ZBTB7A: variants seen among roughly 807,000 people sequenced by gnomAD.
ZBTB7A encodes zinc finger and BTB domain-containing protein 7A.
Under a neutral mutation model 26.7 loss-of-function variants are expected in ZBTB7A, and 7 were observed. That is an observed-to-expected ratio of 0.26 (90% CI 0.15 to 0.49). ZBTB7A has a LOEUF of 0.49. ZBTB7A is among the 20% of genes least tolerant of loss of function. The pLI is 0.98. For synonymous variants in ZBTB7A, 452 were observed against 441.0 expected, an observed-to-expected ratio of 1.02 and a Z score of -0.31; for missense variants, 617 against 919.5, an observed-to-expected ratio of 0.67 and a Z score of 4.25.
At chr19:4,059,983 G>A (rs979668080) in intron 1 of ZBTB7A, among the ~76,000 whole-genome samples, 6 of 151,792 alleles carry the variant, frequency 4.0e-5, no homozygotes, top group African/African-American at 7.3e-5. Context: ...AGGAAGCCCC[G>A]GCCCCACGCC....
chr19:4,055,429 T>G (rs914664069), intron 1 of ZBTB7A, 182 bp from the exon 2 acceptor site: 18 of 985,304 alleles, frequency 1.8e-5, no homozygotes, highest in Non-Finnish European at 1.2e-6. Context: ...TCCCCAGCTG[T>G]GCACCAAAGC....
chr19:4,063,782 C>G (rs887487940), intron 1 of ZBTB7A, among the ~76,000 whole-genome samples: 1 of 152,170 alleles, frequency 6.6e-6, no homozygotes, highest in African/African-American at 2.4e-5. Context: ...GCAGCTCTGA[C>G]CCCACCTGAG....
intron 1 of ZBTB7A, among the ~76,000 whole-genome samples, chr19:4,061,376 C>T (rs1039699343): frequency 6.6e-6 from 1 of 152,154 alleles, no homozygotes; most frequent in Non-Finnish European, 1.5e-5. Flanking sequence ...GCCCCCGCCC[C>T]CTCCCCGCCC....
At chr19:4,058,425 C>A (rs551649651) in intron 1 of ZBTB7A, among the ~76,000 whole-genome samples, 1 of 136,128 alleles carries the variant, frequency 7.3e-6, no homozygotes, top group South Asian at 2.4e-4. Flanking sequence ...GTCTGTCCCA[C>A]CCCTTTCTCC....
At chr19:4,058,161 C>A (rs1037849281) in intron 1 of ZBTB7A, among the ~76,000 whole-genome samples, 1 of 152,182 alleles carries the variant, frequency 6.6e-6, no homozygotes, top group Non-Finnish European at 1.5e-5. Context: ...CCCCTCAGAG[C>A]CCCCAGCATA....
chr19:4,049,162 GTGTGTGTATATATATATATATATATA>G (rs2040465676), intron 2 of ZBTB7A, among the ~76,000 whole-genome samples: 3 of 18,438 alleles, frequency 1.6e-4, no homozygotes, highest in Admixed American at 1.1e-3. Flanking sequence ...GTGTGTGTGT[GTGTGTGTATATATATATATATATATA>G]TATATATATA....
At position 4,052,193 on chromosome 19, in the gene ZBTB7A, C is replaced by G. The variant is rs1038959412; in HGVS notation, c.1262+1778G>C. Among the ~76,000 whole-genome samples the G allele has an allele frequency of 2.6e-5, 4 of 152,028 alleles. No homozygotes were observed. The highest frequency in any genetic ancestry group is 6.5e-5 in the Admixed American group (1 of 15,268). On this transcript the variant is annotated intron_variant, in intron 2 of 2. Transcript: ENST00000322357. The surrounding 1 kb of genome is among the most constrained non-coding windows in gnomAD (Gnocchi z 4.9). ...AGCAGTGCCCGAGTCAGAATGAAAC[C>G]GGGCCTGTGGCCTGCGGCCAGGGAG...
chr19:4,043,845 C>G lies in ZBTB7A; in HGVS notation c.*3907G>C, dbSNP rs1459252360. Among the ~76,000 whole-genome samples the G allele has an allele frequency of 1.9e-4, 1 of 5,396 alleles. No individual in the cohort carries two copies. The allele number at this position is 5,396 out of a possible 152,430, so 3.5% of individuals were successfully genotyped here. On this transcript the variant is annotated 3_prime_UTR_variant, in exon 3 of 3. Coordinates refer to ENST00000322357, the MANE Select transcript of ZBTB7A (RefSeq NM_015898.4). ...CCCGTCCTGCGCCAGCCACCCACCA[C>G]CCCCCCCCCCCCACCTCCAGGAAGG...
In ZBTB7A at chr19:4,046,342, G is replaced by GTTT; in HGVS notation, c.*1407_*1409dup. 3.7e-6 allele frequency: 1 copy of GTTT among 266,786 alleles called. No homozygotes were observed. 16.5% of individuals were successfully genotyped at this position (266,786 alleles called of 1,614,324 possible). The stretch of plus-strand genomic sequence containing the variant: ...GAAGTGGATTCTACGTTTGTGGTGG[G>GTTT]TTTTTTTTTTTATTATTTTGTACAA... On this transcript the variant is annotated 3_prime_UTR_variant, in exon 3 of 3. Coordinates refer to ENST00000322357, the MANE Select transcript of ZBTB7A (RefSeq NM_015898.4).
intron 1 of ZBTB7A, among the ~76,000 whole-genome samples, chr19:4,063,662 C>T (rs1376013841): frequency 3.3e-5 from 5 of 152,218 alleles, no homozygotes; most frequent in Admixed American, 3.3e-4. Context: ...TGAGCCTCTA[C>T]TGCCAACCTC....
At chr19:4,051,342 A>C (rs2040502774) in intron 2 of ZBTB7A, among the ~76,000 whole-genome samples, 1 of 151,782 alleles carries the variant, frequency 6.6e-6, no homozygotes, top group Admixed American at 6.6e-5. Flanking sequence ...TAGTGTGGGG[A>C]CTGGCAAACT....
rs1336637779 is a variant in ZBTB7A, at chr19:4,044,357, T to C, written c.*3395A>G. Reference sequence around the variant, plus strand: ...TACATTCACTGGTTTATAATTTTTTTTTTTCATTTTTAAAAACTTTTTTGA... The same window carrying C: ...TACATTCACTGGTTTATAATTTTTTCTTTTCATTTTTAAAAACTTTTTTGA... On this transcript the variant is annotated 3_prime_UTR_variant, in exon 3 of 3. Coordinates refer to ENST00000322357, the MANE Select transcript of ZBTB7A (RefSeq NM_015898.4). The C allele has an allele frequency of 6.6e-6, 1 of 152,118 alleles. No individual in the cohort carries two copies. Among genetic ancestry groups the C allele is most frequent in the East Asian group, 1.9e-4 (1 of 5,198 alleles). The allele number at this position is 152,118 out of a possible 1,614,324, so 9.4% of individuals were successfully genotyped here.
chr19:4,063,262 C>T lies in ZBTB7A; in HGVS notation c.-16+3420G>A, dbSNP rs935909869. ...ACAGCCCCAGGAACACAGCGCGCCC[C>T]GGCTGCAGGGGTCACGGGGCTCATC... On this transcript the variant is annotated intron_variant, in intron 1 of 2. Coordinates refer to ENST00000322357, the MANE Select transcript of ZBTB7A (RefSeq NM_015898.4). Among the ~76,000 whole-genome samples, 12 of 152,294 alleles carry T rather than the reference C, an allele frequency of 7.9e-5. No homozygotes were observed. In the South Asian group the frequency reaches 2.3e-3, roughly 29 times the overall value.
At chr19:4,055,599 G>C (rs1452011569) in intron 1 of ZBTB7A, 7 of 388,560 alleles carry the variant, frequency 1.8e-5, no homozygotes, top group Non-Finnish European at 2.5e-5. Flanking sequence ...GAGACAGGCA[G>C]ATCATGAGGT....
At position 4,047,694 on chromosome 19, in the gene ZBTB7A, T is replaced by C; in HGVS notation, c.*58A>G. 6.5e-7 allele frequency: 1 copy of C among 1,542,580 alleles called. No individual in the cohort carries two copies. Among genetic ancestry groups the C allele is most frequent in the South Asian group, 1.2e-5 (1 of 80,956 alleles). On this transcript the variant is annotated 3_prime_UTR_variant, in exon 3 of 3. Coordinates refer to ENST00000322357, the MANE Select transcript of ZBTB7A (RefSeq NM_015898.4). ...TGTTTTTGGGGGGGTGGTGGGTGAT[T>C]TTTTTTCTCTCTCTCTGTCTCTCTC...
chr19:4,064,311 A>G (rs2040668464), intron 1 of ZBTB7A, among the ~76,000 whole-genome samples: 1 of 152,304 alleles, frequency 6.6e-6, no homozygotes, highest in South Asian at 2.1e-4. Context: ...TCGCTTTTCC[A>G]GCGGCCGGCT....
At position 4,054,972 on chromosome 19, in the gene ZBTB7A, C is replaced by A; in HGVS notation, c.261G>T (p.Ala87=). 3 of 1,612,034 alleles carry A rather than the reference C, an allele frequency of 1.9e-6. No individual in the cohort carries two copies. Among genetic ancestry groups the A allele is most frequent in the Non-Finnish European group, 2.5e-6 (3 of 1,179,716 alleles). Residue 87 remains alanine, a synonymous_variant, in exon 2 of 3, where the codon GCG becomes GCT. Transcript: ENST00000322357. The part of the protein sequence containing the change: ...IDFVSAEALT[A]LMDFAYTATL... ...TGGCCGTGTAGGCGAAGTCCATGAG[C>A]GCGGTGAGCGCCTCGGCGCTGACGA...
intron 2 of ZBTB7A, among the ~76,000 whole-genome samples, chr19:4,049,711 C>A (rs1247941771): frequency 6.6e-6 from 1 of 152,190 alleles, no homozygotes; most frequent in Non-Finnish European, 1.5e-5. Flanking sequence ...ACTGCCCACT[C>A]TCCCCTCACT....
In ZBTB7A at chr19:4,048,508, C is replaced by T. The variant is rs567572515; in HGVS notation, c.1263-264G>A. ...GAAAACGCTATGCCTCTCTGAACCC[C>T]GTTTCCTTTCCTTTTTTAACTTTTT... On this transcript the variant is annotated intron_variant, in intron 2 of 2. Coordinates refer to ENST00000322357, the MANE Select transcript of ZBTB7A (RefSeq NM_015898.4). The surrounding 1 kb of genome is among the most constrained non-coding windows in gnomAD (Gnocchi z 6.7). Among the ~76,000 whole-genome samples, 2 of 152,228 alleles carry T rather than the reference C, an allele frequency of 1.3e-5. No individual in the cohort carries two copies. Among genetic ancestry groups the T allele is most frequent in the South Asian group, 2.1e-4 (1 of 4,824 alleles).
Sources: gnomAD v4.1 joint callset for allele counts (sites outside exome capture counted in the v4.1 genomes callset) on GRCh38, gnomAD v4.1.1 for gene constraint, Gnocchi (gnomAD v3.1) non-coding constraint, MANE v1.5 for transcripts, NCBI Gene and HGNC (gene_info 2026-07-23, HGNC 2026-07-21) for gene names.